ZRANB3: variants seen among roughly 807,000 people sequenced by gnomAD.
ZRANB3 encodes the protein zinc finger RANBP2-type containing 3.
ZRANB3 carries 125 observed loss-of-function variants against 133.8 expected under a neutral mutation model. The observed-to-expected ratio is 0.93, with a 90% confidence interval of 0.81 to 1.08. The LOEUF (loss-of-function observed/expected upper bound fraction) is 1.08. Among genes scored for constraint, ZRANB3 ranks in the 50% least tolerant of loss-of-function variants. The probability of loss-of-function intolerance (pLI) is 0.00; values close to 1 mark genes in which losing one functional copy is unlikely to be tolerated. For missense variants in ZRANB3, 1,229 were observed against 1,275.5 expected, an observed-to-expected ratio of 0.96 and a Z score of 0.56; for synonymous variants, 387 against 432.7, an observed-to-expected ratio of 0.89 and a Z score of 1.31.
At chr2:135,309,068 C>T (rs985503836) in intron 8 of ZRANB3, among the ~76,000 whole-genome samples, 1 of 150,650 alleles carries the variant, frequency 6.6e-6, no homozygotes, top group Non-Finnish European at 1.5e-5. Flanking sequence ...GCAAGCGCTG[C>T]CTCCTGGGTT....
At chr2:135,496,349 A>ACT (rs1692663739) in intron 2 of ZRANB3, among the ~76,000 whole-genome samples, 2 of 145,304 alleles carry the variant, frequency 1.4e-5, no homozygotes, top group Non-Finnish European at 1.5e-5. Flanking sequence ...GCACCACTGT[A>ACT]CTCCAGCCTG....
chr2:135,259,955 A>G (rs1324699871), intron 12 of ZRANB3, among the ~76,000 whole-genome samples: 1 of 152,148 alleles, frequency 6.6e-6, no homozygotes, highest in Admixed American at 6.5e-5. Context: ...GGAAAAGAAA[A>G]GGCCCTAAAG....
At chr2:135,243,598 C>T (rs2105085739) in intron 12 of ZRANB3, among the ~76,000 whole-genome samples, 1 of 151,528 alleles carries the variant, frequency 6.6e-6, no homozygotes, top group South Asian at 2.1e-4. Context: ...CCTCAACCAC[C>T]TCTCTTCCTG....
intron 2 of ZRANB3, among the ~76,000 whole-genome samples, chr2:135,446,776 G>A (rs143275109): frequency 1.7e-4 from 26 of 152,292 alleles, no homozygotes; most frequent in Admixed American, 2.0e-4. Context: ...GCGTTTGGAA[G>A]GATCAATAGA....
At chr2:135,480,074 C>G (rs1199944835) in intron 2 of ZRANB3, among the ~76,000 whole-genome samples, 1 of 151,460 alleles carries the variant, frequency 6.6e-6, no homozygotes, top group African/African-American at 2.4e-5. Flanking sequence ...GCTGGGACTA[C>G]AGGCGCCCGC....
intron 3 of ZRANB3, among the ~76,000 whole-genome samples, chr2:135,359,186 AC>A (rs947651622): frequency 3.9e-5 from 6 of 152,130 alleles, no homozygotes; most frequent in Non-Finnish European, 8.8e-5. Flanking sequence ...CTTTCAATAT[AC>A]GTTAATAAAC....
intron 2 of ZRANB3, among the ~76,000 whole-genome samples, chr2:135,481,406 A>G (rs1691799155): frequency 6.6e-6 from 1 of 152,192 alleles, no homozygotes; most frequent in African/African-American, 2.4e-5. Context: ...GGCTACATAA[A>G]TGTCTTCTTT....
At chr2:135,324,103 T>G (rs185387380) in intron 6 of ZRANB3, among the ~76,000 whole-genome samples, 3 of 152,064 alleles carry the variant, frequency 2.0e-5, no homozygotes, top group Admixed American at 2.0e-4. Flanking sequence ...TATTATACTT[T>G]AAGTTCTAGG....
At chr2:135,457,249 A>G (rs1360797151) in intron 2 of ZRANB3, among the ~76,000 whole-genome samples, 1 of 152,212 alleles carries the variant, frequency 6.6e-6, no homozygotes, top group African/African-American at 2.4e-5. Context: ...AACATGAAAA[A>G]TAGTGAAAGA....
At chr2:135,492,431 A>T (rs1426433374) in intron 2 of ZRANB3, among the ~76,000 whole-genome samples, 1 of 152,210 alleles carries the variant, frequency 6.6e-6, no homozygotes, top group East Asian at 1.9e-4. Context: ...AAAGGAAAGA[A>T]CTAAGTGATT....
At chr2:135,340,778 C>G (rs1405918089) in intron 6 of ZRANB3, among the ~76,000 whole-genome samples, 1 of 150,644 alleles carries the variant, frequency 6.6e-6, no homozygotes, top group African/African-American at 2.5e-5. Flanking sequence ...ATTGCTTGAA[C>G]CTAGGAGGTG....
Position 135,230,762 on chromosome 2 carries a change from T to C in ZRANB3, c.1705A>G (p.Ser569Gly). 1.2e-6 allele frequency: 2 copies of C among 1,613,936 alleles called. No homozygotes were observed. The highest frequency in any genetic ancestry group is 1.7e-6 in the Non-Finnish European group (2 of 1,179,890). Residue 569 changes from serine (S) to glycine (G), a missense_variant, in exon 13 of 21, where the codon AGT becomes GGT. Transcript: ENST00000264159. ...CTTTTCGTTTCAGGTTCAACATCACTTTCATAATCGATGATATCTCTTGCA... is the reference window on the plus strand; with the variant it reads ...CTTTTCGTTTCAGGTTCAACATCACCTTCATAATCGATGATATCTCTTGCA... ...TAARDIIDYE[S>G]DVEPETKRLK...
intron 2 of ZRANB3, among the ~76,000 whole-genome samples, chr2:135,427,493 T>C (rs1689144329): frequency 6.6e-6 from 1 of 152,104 alleles, no homozygotes; most frequent in Admixed American, 6.5e-5. Context: ...TACCTAGGAA[T>C]ACAGCTAACA....
chr2:135,405,946 C>T (rs1201961407), intron 2 of ZRANB3, among the ~76,000 whole-genome samples: 1 of 152,074 alleles, frequency 6.6e-6, no homozygotes, highest in African/African-American at 2.4e-5. Flanking sequence ...CCAAATCTAG[C>T]AGAAGGCAAG....
chr2:135,226,596 TA>T (rs1430319179), intron 14 of ZRANB3, among the ~76,000 whole-genome samples: 1 of 152,214 alleles, frequency 6.6e-6, no homozygotes, highest in Non-Finnish European at 1.5e-5. Context: ...AAGTGATTTT[TA>T]AAAAACATTT....
chr2:135,289,613 A>T (rs572651035), intron 8 of ZRANB3, among the ~76,000 whole-genome samples: 65 of 152,226 alleles, frequency 4.3e-4, no homozygotes, highest in African/African-American at 1.4e-3. Context: ...ATACAATGTG[A>T]TTTTTTTGGC....
intron 1 of ZRANB3, among the ~76,000 whole-genome samples, chr2:135,507,604 T>A (rs561415131): frequency 1.5e-4 from 22 of 151,702 alleles, no homozygotes; most frequent in African/African-American, 5.1e-4. Flanking sequence ...GGCAAGAAGT[T>A]AAGTAAAAAA....
At chr2:135,326,496 G>A (rs1055300935) in intron 6 of ZRANB3, among the ~76,000 whole-genome samples, 13 of 151,926 alleles carry the variant, frequency 8.6e-5, no homozygotes, top group East Asian at 1.9e-4. Context: ...TTTTAGTTCC[G>A]GGATACATGT....
chr2:135,437,346 G>A (rs746638725), intron 2 of ZRANB3, among the ~76,000 whole-genome samples: 3 of 152,206 alleles, frequency 2.0e-5, no homozygotes, highest in Non-Finnish European at 4.4e-5. Flanking sequence ...ATAATGCTCA[G>A]TGAAGAAAGC....
Sources: allele counts gnomAD v4.1 joint callset (sites outside exome capture counted in the v4.1 genomes callset), GRCh38; gene constraint gnomAD v4.1.1; transcripts MANE v1.5; gene names NCBI Gene and HGNC (gene_info 2026-07-23, HGNC 2026-07-21).